ATP6V1C2: variants seen among roughly 807,000 people sequenced by gnomAD.
ATP6V1C2 encodes the protein V-type proton ATPase subunit C 2.
A neutral mutation model predicts 56.8 loss-of-function variants in ATP6V1C2; 45 were observed. The observed-to-expected ratio is 0.79, with a 90% CI of 0.62 to 1.02. ATP6V1C2 has a LOEUF of 1.02. Among genes scored for constraint, ATP6V1C2 ranks in the 50% least tolerant of loss-of-function variants. The pLI, the probability that ATP6V1C2 is intolerant of heterozygous loss-of-function variation, is 0.00. For synonymous variants in ATP6V1C2, 220 were observed against 201.3 expected (o/e 1.09, Z -0.79); for missense variants, 463 against 519.7 (o/e 0.89, Z 1.06).
chr2:10,733,912 G>C (rs989838309), intron 3 of ATP6V1C2, among the ~76,000 whole-genome samples: 3 of 147,814 alleles, frequency 2.0e-5, no homozygotes, highest in African/African-American at 7.6e-5. Context: ...AGCTGACTGA[G>C]GGTTGGCTGA....
chr2:10,772,124 G>A (rs1664653518), intron 7 of ATP6V1C2, among the ~76,000 whole-genome samples, 187 bp downstream of exon 7: 1 of 152,212 alleles, frequency 6.6e-6, no homozygotes, highest in Admixed American at 6.5e-5. Flanking sequence ...GATGGTGGTT[G>A]TGGCCACGAT....
Position 10,784,269 on chromosome 2 carries a change from C to G in ATP6V1C2, c.*1006C>G. The G allele has an allele frequency of 6.2e-7, 1 of 1,612,950 alleles. No individual in the cohort carries two copies. The highest frequency in any genetic ancestry group is 1.1e-5 in the South Asian group (1 of 90,852). ...CTCTGTTGTGGCTCTCACAACTCAT[C>G]TTTCCCTAAGTCATCAAGCTCCACA... On this transcript the variant is annotated 3_prime_UTR_variant, in exon 14 of 14. Coordinates refer to ENST00000272238, the MANE Select transcript of ATP6V1C2 (RefSeq NM_001039362.2).
intron 7 of ATP6V1C2, 34 bp from the exon 8 acceptor site, chr2:10,772,508 C>CA (rs750454639): frequency 8.2e-6 from 13 of 1,594,080 alleles, no homozygotes; most frequent in African/African-American, 2.7e-5. Context: ...GCCTTTTCTG[C>CA]AAAAAATCAC....
intron 3 of ATP6V1C2, among the ~76,000 whole-genome samples, chr2:10,732,848 G>A (rs537427742): frequency 1.3e-5 from 2 of 151,846 alleles, no homozygotes; most frequent in South Asian, 4.2e-4. Context: ...GCAGGCGCCT[G>A]TAGTCCCAGC....
intron 12 of ATP6V1C2, 61 bp from the exon 13 acceptor site, chr2:10,782,181 GT>G: frequency 3.1e-6 from 5 of 1,595,670 alleles, no homozygotes; most frequent in Non-Finnish European, 4.3e-6. Context: ...TTCTGGTCAG[GT>G]TCCTTCTATC....
At position 10,722,861 on chromosome 2, in the gene ATP6V1C2, T is replaced by A. The variant is rs1204932018; in HGVS notation, c.12T>A (p.Phe4Leu). The change falls in exon 2 of 14, where the codon TTT (phenylalanine) becomes TTA (leucine). Residue 4 changes from phenylalanine to leucine, a missense_variant. Physicochemically the swap from Phe to Leu is conservative, Grantham distance 22. Transcript: ENST00000272238. MSEFWLISAPGDKE... is the reference protein window; with the variant it reads MSELWLISAPGDKE... ...AGAAGACTGGAAGCATGTCGGAGTT[T>A]TGGTTAATTTCTGCCCCTGGCGATA... 3 of 1,613,844 alleles carry A rather than the reference T, an allele frequency of 1.9e-6. No individual in the cohort carries two copies. The African/African-American group carries it at 4.0e-5, about 22-fold the overall frequency.
Position 10,763,059 on chromosome 2 carries a change from G to A in ATP6V1C2, c.284-1272G>A, listed in dbSNP as rs181775685. ...TTGGAGGAATCTCAGTCCAATTCCC[G>A]TGCTAGGGGCTGAGTGGGCGGGATC... On this transcript the variant is annotated intron_variant, in intron 4 of 13. Coordinates refer to ENST00000272238, the MANE Select transcript of ATP6V1C2 (RefSeq NM_001039362.2). This position sits in a 1 kb window ranked among gnomAD's most constrained non-coding sequence, Gnocchi z 4.2. 8.2e-4 allele frequency among the ~76,000 whole-genome samples: 125 copies of A among 152,212 alleles called. 1 individual carries two copies. In the Middle Eastern group the frequency reaches 0.01, roughly 12 times the overall value.
intron 4 of ATP6V1C2, among the ~76,000 whole-genome samples, chr2:10,754,736 C>T (rs1469445147): frequency 1.3e-5 from 2 of 152,054 alleles, no homozygotes; most frequent in African/African-American, 4.8e-5. Flanking sequence ...CCACACCTAG[C>T]TAATTTTGTG....
In ATP6V1C2 at chr2:10,774,785, C is replaced by G. The variant is rs1308692554; in HGVS notation, c.639-3C>G. The G allele has an allele frequency of 6.2e-7, 1 of 1,613,372 alleles. No individual in the cohort carries two copies. The highest frequency in any genetic ancestry group is 1.1e-5 in the South Asian group (1 of 91,062). On this transcript the variant is annotated splice_polypyrimidine_tract_variant and splice_region_variant and intron_variant, in intron 8 of 13. Transcript: ENST00000272238. Reference sequence around the variant, plus strand: ...CCAGCCAACAGATGCTTCTCTCCAACAGACTCATTACTGAGGACAAGGAAG... The same window carrying G: ...CCAGCCAACAGATGCTTCTCTCCAAGAGACTCATTACTGAGGACAAGGAAG...
In ATP6V1C2 at chr2:10,785,046, C is replaced by T; in HGVS notation, c.*1783C>T. 2.0e-6 allele frequency: 3 copies of T among 1,489,928 alleles called. No homozygotes were observed. The highest frequency in any genetic ancestry group is 2.8e-6 in the Non-Finnish European group (3 of 1,087,046). The allele number at this position is 1,489,928 out of a possible 1,614,324, so 92.3% of individuals were successfully genotyped here. On this transcript the variant is annotated 3_prime_UTR_variant, in exon 14 of 14. Coordinates refer to ENST00000272238, the MANE Select transcript of ATP6V1C2 (RefSeq NM_001039362.2). ...AGAGAGCTCCCTTAGGGAAAAATGACCAAAACACACACACACATTTACAAT... is the reference window on the plus strand; with the variant it reads ...AGAGAGCTCCCTTAGGGAAAAATGATCAAAACACACACACACATTTACAAT...
intron 6 of ATP6V1C2, among the ~76,000 whole-genome samples, chr2:10,769,286 A>G (rs919305442): frequency 3.3e-5 from 5 of 152,232 alleles, no homozygotes; most frequent in African/African-American, 1.2e-4. Flanking sequence ...GAGAGGGAGC[A>G]GGCTCCACAG....
intron 4 of ATP6V1C2, among the ~76,000 whole-genome samples, chr2:10,757,225 C>G (rs921215094): frequency 9.2e-5 from 14 of 152,040 alleles, no homozygotes; most frequent in South Asian, 2.1e-4. Context: ...GCTGGCCGGG[C>G]TGGTCTTGAA....
rs537750461 is a variant in ATP6V1C2 at position 10,781,100 on chromosome 2, C to T, written c.1062-1143C>T. 2.6e-5 allele frequency among the ~76,000 whole-genome samples: 4 copies of T among 152,172 alleles called. No homozygotes were observed. In the South Asian group the frequency reaches 6.2e-4, roughly 24 times the overall value. The stretch of plus-strand genomic sequence containing the variant: ...GGCATTATTAGCAGGACGGGTGCCA[C>T]AGAGACAGGACAGGGCCGGAAGAAC... On this transcript the variant is annotated intron_variant, in intron 12 of 13. Transcript: ENST00000272238.
At chr2:10,775,144 C>T in intron 10 of ATP6V1C2, 73 bp downstream of exon 10, 5 of 1,107,940 alleles carry the variant, frequency 4.5e-6, no homozygotes, top group Admixed American at 1.7e-5. Flanking sequence ...TCCCAGGTCT[C>T]CAGCTCTCCC....
intron 13 of ATP6V1C2, 106 bp downstream of exon 13, chr2:10,782,481 C>G (rs899222435): frequency 3.8e-6 from 5 of 1,330,390 alleles, no homozygotes; most frequent in Non-Finnish European, 4.1e-6. Context: ...AGGTGGATCA[C>G]TTGAGGTCAA....
In ATP6V1C2 at chr2:10,741,892, CTCCTTCCTTCCTTCCT is replaced by C. The variant is rs56236466; in HGVS notation, c.198-12065_198-12050del. ...GGTTCCTCCCTCCCTCCCTCCTTCCCTCCTTCCTTCCTTCCTTCCTTCCTTCCTTCCTTCCTTCCAT... is the reference window on the plus strand; with the variant it reads ...GGTTCCTCCCTCCCTCCCTCCTTCCCTCCTTCCTTCCTTCCTTCCTTCCAT... On this transcript the variant is annotated intron_variant, in intron 3 of 13. Transcript: ENST00000272238. Among the ~76,000 whole-genome samples, 56 of 144,190 alleles carry C rather than the reference CTCCTTCCTTCCTTCCT, an allele frequency of 3.9e-4. No individual in the cohort carries two copies. The Middle Eastern group carries it at 0.01, about 27-fold the overall frequency. 94.6% of individuals were successfully genotyped at this position (144,190 alleles called of 152,430 possible).
Position 10,773,507 on chromosome 2 carries a change from C to G in ATP6V1C2, c.638+897C>G, listed in dbSNP as rs114117916. Among the ~76,000 whole-genome samples the G allele has an allele frequency of 3.0e-3, 455 of 152,286 alleles. 3 individuals carry two copies. Among genetic ancestry groups the G allele is most frequent in the Non-Finnish European group, 4.3e-3 (292 of 68,026 alleles). On this transcript the variant is annotated intron_variant, in intron 8 of 13. Coordinates refer to ENST00000272238, the MANE Select transcript of ATP6V1C2 (RefSeq NM_001039362.2). ...AAGCAACTCTTCTACCTCAGCCTCT[C>G]AAGTAGCTGGGATTATAGGCGTGCA...
intron 10 of ATP6V1C2, among the ~76,000 whole-genome samples, chr2:10,777,257 C>A (rs571995247): frequency 1.3e-5 from 2 of 152,364 alleles, no homozygotes; most frequent in East Asian, 3.9e-4. Context: ...ACTAACGCCT[C>A]CCGGTGCTGT....
intron 3 of ATP6V1C2, among the ~76,000 whole-genome samples, chr2:10,744,579 A>T (rs1662762289): frequency 6.6e-6 from 1 of 151,680 alleles, no homozygotes; most frequent in Admixed American, 6.6e-5. Context: ...CGTAAGGGGA[A>T]ATTCTAGTAT....
Sources: gnomAD v4.1 joint callset for allele counts (sites outside exome capture counted in the v4.1 genomes callset) on GRCh38, gnomAD v4.1.1 for gene constraint, Gnocchi (gnomAD v3.1) non-coding constraint, MANE v1.5 for transcripts, NCBI Gene and HGNC (gene_info 2026-07-23, HGNC 2026-07-21) for gene names.